ACOX3: variants seen among roughly 807,000 people sequenced by gnomAD.
The protein encoded by ACOX3 is peroxisomal acyl-coenzyme A oxidase 3.
In ACOX3, 73 loss-of-function variants were observed where a neutral mutation model predicts 81.5. The ratio of observed to expected loss-of-function variants is 0.90; its 90% CI spans 0.74 to 1.09. The LOEUF is 1.09. Ranked by LOEUF, ACOX3 falls within the 50% of genes least tolerant of loss-of-function variation. The probability of loss-of-function intolerance (pLI) is 0.00; values close to 1 mark genes in which losing one functional copy is unlikely to be tolerated. For missense variants in ACOX3, 947 were observed against 928.0 expected, an observed-to-expected ratio of 1.02 and a Z score of -0.27; for synonymous variants, 387 against 375.1, an observed-to-expected ratio of 1.03 and a Z score of -0.37.
the ACOX3 span, chr4:8,356,886 G>A: frequency 2.2e-6 from 1 of 456,060 alleles, no homozygotes; most frequent in East Asian, 7.0e-5. Flanking sequence ...CAGCAGGGGA[G>A]AGGAAGAAAG....
chr4:8,369,616 C>T (rs542849760), intron 17 of ACOX3, among the ~76,000 whole-genome samples: 1 of 152,224 alleles, frequency 6.6e-6, no homozygotes, highest in Non-Finnish European at 1.5e-5. Flanking sequence ...CTGGCACTAC[C>T]TGCCTCTTGG....
chr4:8,410,318 T>A lies in ACOX3; in HGVS notation c.581A>T (p.Lys194Met). 1 of 1,614,066 alleles carries A rather than the reference T, an allele frequency of 6.2e-7. No homozygotes were observed. Among genetic ancestry groups the A allele is most frequent in the East Asian group, 2.2e-5 (1 of 44,882 alleles). Reference sequence around the variant, plus strand: ...CTTGCCCATGTTGCCAACCCAAAACTTGGCAGCTTCGAAATCAGGGGAATG... The same window carrying A: ...CTTGCCCATGTTGCCAACCCAAAACATGGCAGCTTCGAAATCAGGGGAATG... ...IIHSPDFEAAKFWVGNMGKTA... is the reference protein window; with the variant it reads ...IIHSPDFEAAMFWVGNMGKTA... The change falls in exon 6 of 18, where the codon AAG becomes ATG. Residue 194 changes from lysine to methionine, a missense_variant. Coordinates refer to ENST00000356406, the MANE Select transcript of ACOX3 (RefSeq NM_003501.3).
At chr4:8,383,629 A>G (rs1158378130) in intron 13 of ACOX3, among the ~76,000 whole-genome samples, 1 of 152,166 alleles carries the variant, frequency 6.6e-6, no homozygotes, top group African/African-American at 2.4e-5. Flanking sequence ...CTGCCTCTGC[A>G]CCAAGAGAGT....
chr4:8,402,072 G>T (rs1720431054), intron 7 of ACOX3, among the ~76,000 whole-genome samples: 2 of 152,240 alleles, frequency 1.3e-5, no homozygotes, highest in South Asian at 4.1e-4. Flanking sequence ...GTATGAACAA[G>T]TCAGGTGGGG....
chr4:8,414,405 T>C lies in ACOX3; in HGVS notation c.454-24A>G. 3 of 1,603,796 alleles carry C rather than the reference T, an allele frequency of 1.9e-6. No individual in the cohort carries two copies. The highest frequency in any genetic ancestry group is 3.3e-5 in the Admixed American group (2 of 59,986). On this transcript the variant is annotated intron_variant, in intron 4 of 17. Coordinates refer to ENST00000356406, the MANE Select transcript of ACOX3 (RefSeq NM_003501.3). The surrounding 1 kb of genome is among the most constrained non-coding windows in gnomAD (Gnocchi z 6.1). Reference sequence around the variant, plus strand: ...ATCTAAATGTCAAAGCACAAAATGATGGAAAGCAAGAAAAGTTCTTTGTGC... The same window carrying C: ...ATCTAAATGTCAAAGCACAAAATGACGGAAAGCAAGAAAAGTTCTTTGTGC...
intron 14 of ACOX3, among the ~76,000 whole-genome samples, chr4:8,379,888 C>T (rs150492203): frequency 2.0e-5 from 3 of 152,300 alleles, no homozygotes; most frequent in East Asian, 1.9e-4. Context: ...TGGGCTCAAG[C>T]GATCTTCCTG....
In ACOX3 at chr4:8,431,899, C is replaced by A. The variant is rs1214239396; in HGVS notation, c.-15+8749G>T. On this transcript the variant is annotated intron_variant, in intron 1 of 17. Transcript: ENST00000356406. The surrounding 1 kb of genome is among the most constrained non-coding windows in gnomAD (Gnocchi z 5.3). ...ACATTGTTAAAGCTAAAGTTGCCTCCCACCCTCCGGTCATTTGTCTCCATT... is the reference window on the plus strand; with the variant it reads ...ACATTGTTAAAGCTAAAGTTGCCTCACACCCTCCGGTCATTTGTCTCCATT... Among the ~76,000 whole-genome samples the A allele has an allele frequency of 6.6e-6, 1 of 152,250 alleles. No individual in the cohort carries two copies. The highest frequency in any genetic ancestry group is 1.5e-5 in the Non-Finnish European group (1 of 68,052).
In ACOX3 at chr4:8,405,965, G is replaced by T; in HGVS notation, c.766C>A (p.Leu256Met). ...GCCTCTGTCACTCACCCATTATCCA[G>T]ACCGTTCTGCCCGAGTTTTTTTCCT... ...DIGKKLGQNGLDNGFAMFHKV... is the reference protein window; with the variant it reads ...DIGKKLGQNGMDNGFAMFHKV... Residue 256 changes from leucine to methionine, a missense_variant, in exon 7 of 18, where the codon CTG becomes ATG. Physicochemically the swap from Leu to Met is conservative, Grantham distance 15 (BLOSUM62 2). Transcript: ENST00000356406. This position sits in a 1 kb window ranked among gnomAD's most constrained non-coding sequence, Gnocchi z 7.1. 1 of 1,614,136 alleles carries T rather than the reference G, an allele frequency of 6.2e-7. No homozygotes were observed. Among genetic ancestry groups the T allele is most frequent in the Non-Finnish European group, 8.5e-7 (1 of 1,180,012 alleles).
chr4:8,434,171 G>GC (rs1354487488), intron 1 of ACOX3, among the ~76,000 whole-genome samples: 1 of 152,142 alleles, frequency 6.6e-6, no homozygotes, highest in Non-Finnish European at 1.5e-5. Context: ...GATCCATGTA[G>GC]CCCCCAGTCA....
chr4:8,416,666 G>T lies in ACOX3; in HGVS notation c.-14-131C>A. The T allele has an allele frequency of 1.9e-6, 2 of 1,042,698 alleles. No homozygotes were observed. Among genetic ancestry groups the T allele is most frequent in the Non-Finnish European group, 2.7e-6 (2 of 747,406 alleles). 64.6% of individuals were successfully genotyped at this position (1,042,698 alleles called of 1,614,324 possible). On this transcript the variant is annotated intron_variant, in intron 1 of 17. Transcript: ENST00000356406. The surrounding 1 kb of genome is among the most constrained non-coding windows in gnomAD (Gnocchi z 4.2). ...CTTGAAATCCAAAAGGATGGCAAAAGAGAATCACTCTGTGAATGGCTAGCA... is the reference window on the plus strand; with the variant it reads ...CTTGAAATCCAAAAGGATGGCAAAATAGAATCACTCTGTGAATGGCTAGCA...
Position 8,416,020 on chromosome 4 carries a change from T to C in ACOX3, c.145-21A>G, listed in dbSNP as rs758694823. 2 of 1,607,218 alleles carry C rather than the reference T, an allele frequency of 1.2e-6. No homozygotes were observed. The highest frequency in any genetic ancestry group is 2.2e-5 in the South Asian group (2 of 90,726). On this transcript the variant is annotated intron_variant, in intron 2 of 17. Transcript: ENST00000356406. The surrounding 1 kb of genome is among the most constrained non-coding windows in gnomAD (Gnocchi z 4.2). ...GTTTTCTGGAAATGCAGGAGATGGG[T>C]AAGGCTTATTTGGAGTAAAAGATGG...
At chr4:8,415,060 G>C in intron 3 of ACOX3, 132 bp from the exon 4 acceptor site, 1 of 855,148 alleles carries the variant, frequency 1.2e-6, no homozygotes. Context: ...CTTTCCCCAA[G>C]GTGGAGAACA....
chr4:8,381,752 AT>A lies in ACOX3; in HGVS notation c.1538-146del. On this transcript the variant is annotated intron_variant, in intron 13 of 17. Transcript: ENST00000356406. The surrounding 1 kb of genome is among the most constrained non-coding windows in gnomAD (Gnocchi z 4.3). ...CAACCAAGTGTATGGGGTGGGTCTG[AT>A]TTTATAGGTAGGGAAACTGAAGCAC... The A allele has an allele frequency of 1.6e-6, 1 of 639,572 alleles. No individual in the cohort carries two copies. Among genetic ancestry groups the A allele is most frequent in the South Asian group, 1.9e-5 (1 of 51,730 alleles). 39.6% of individuals were successfully genotyped at this position (639,572 alleles called of 1,614,324 possible).
chr4:8,416,039 A>G lies in ACOX3; in HGVS notation c.145-40T>C. 6.3e-7 allele frequency: 1 copy of G among 1,583,684 alleles called. No individual in the cohort carries two copies. The highest frequency in any genetic ancestry group is 8.7e-7 in the Non-Finnish European group (1 of 1,153,644). On this transcript the variant is annotated intron_variant, in intron 2 of 17. Coordinates refer to ENST00000356406, the MANE Select transcript of ACOX3 (RefSeq NM_003501.3). The surrounding 1 kb of genome is among the most constrained non-coding windows in gnomAD (Gnocchi z 4.2). ...GATGGGTAAGGCTTATTTGGAGTAA[A>G]AGATGGACTCTCCATGTGCCCTTAT...
At position 8,436,890 on chromosome 4, in the gene ACOX3, G is replaced by T. The variant is rs530553144; in HGVS notation, c.-15+3758C>A. Among the ~76,000 whole-genome samples the T allele has an allele frequency of 6.7e-5, 10 of 148,676 alleles. No homozygotes were observed. The East Asian group carries it at 2.0e-3, about 29-fold the overall frequency. ...AGCTGTAGTCCCAGCTACTCGGGAG[G>T]CTGAGGCAGGAGAATTGTGTGAACC... is the stretch of plus-strand genomic sequence containing the variant. On this transcript the variant is annotated intron_variant, in intron 1 of 17. Coordinates refer to ENST00000356406, the MANE Select transcript of ACOX3 (RefSeq NM_003501.3).
intron 5 of ACOX3, among the ~76,000 whole-genome samples, chr4:8,413,707 C>T (rs1471504667): frequency 3.3e-5 from 5 of 151,990 alleles, no homozygotes; most frequent in Non-Finnish European, 7.4e-5. Flanking sequence ...ACCCCGTGCC[C>T]CTCCACAGCA....
chr4:8,397,255 G>A (rs1560185021), intron 8 of ACOX3, 136 bp from the exon 9 acceptor site: 4 of 830,234 alleles, frequency 4.8e-6, no homozygotes, highest in Non-Finnish European at 7.0e-6. Flanking sequence ...CCATCCCCAG[G>A]GCGCCCAAGA....
chr4:8,365,171 C>T (rs912192208), downstream of ACOX3, among the ~76,000 whole-genome samples: 3 of 152,224 alleles, frequency 2.0e-5, no homozygotes, highest in South Asian at 2.1e-4. Flanking sequence ...ACCCCGGGCC[C>T]GTGAGGCCTG....
intron 16 of ACOX3, among the ~76,000 whole-genome samples, chr4:8,373,111 AT>A (rs1716436716): frequency 6.6e-6 from 1 of 152,166 alleles, no homozygotes; most frequent in African/African-American, 2.4e-5. Context: ...CAGGAAACAA[AT>A]TTAAATTGGA....
Sources: allele counts gnomAD v4.1 joint callset (sites outside exome capture counted in the v4.1 genomes callset), GRCh38; gene constraint gnomAD v4.1.1; non-coding constraint Gnocchi (gnomAD v3.1); transcripts MANE v1.5; gene names NCBI Gene and HGNC (gene_info 2026-07-23, HGNC 2026-07-21).